Variants in NPAS3 observed in about 807,000 individuals in gnomAD.
NPAS3 encodes the protein neuronal PAS domain protein 3.
In NPAS3, 14 loss-of-function variants were observed where a neutral mutation model predicts 73.1. The ratio of observed to expected loss-of-function variants is 0.19; its 90% confidence interval spans 0.13 to 0.30. The LOEUF is 0.30. NPAS3 is among the 10% of genes least tolerant of loss of function. NPAS3 has a pLI of 1.00. For missense variants in NPAS3, 1,096 were observed against 1,250.0 expected, an observed-to-expected ratio of 0.88 and a Z score of 1.86; for synonymous variants, 620 against 541.5, an observed-to-expected ratio of 1.14 and a Z score of -2.01.
intron 3 of NPAS3, among the ~76,000 whole-genome samples, chr14:33,291,716 C>T (rs2042105970): frequency 6.6e-6 from 1 of 152,206 alleles, no homozygotes; most frequent in African/African-American, 2.4e-5. Flanking sequence ...TAACATGATA[C>T]ATCATAAAAT....
rs185591662 is a variant in NPAS3 at position 33,605,582 on chromosome 14, A to G, written c.558+45372A>G. 7.2e-5 allele frequency among the ~76,000 whole-genome samples: 11 copies of G among 152,296 alleles called. No homozygotes were observed. The East Asian group carries it at 2.1e-3, about 29-fold the overall frequency. ...ATACAAAAATCAAGTATATTTTTAC[A>G]TATGTAGCAATCACAAGTTGAAAAG... On this transcript the variant is annotated intron_variant, in intron 5 of 11. Coordinates refer to ENST00000356141, the Ensembl canonical transcript of NPAS3.
chr14:33,624,441 G>A (rs1210953850), intron 5 of NPAS3, among the ~76,000 whole-genome samples: 2 of 152,000 alleles, frequency 1.3e-5, no homozygotes, highest in African/African-American at 4.8e-5. Context: ...AAAATGTTGT[G>A]TTCATCTATT....
chr14:33,305,987 G>T (rs1363258782), intron 3 of NPAS3, among the ~76,000 whole-genome samples: 2 of 152,110 alleles, frequency 1.3e-5, no homozygotes, highest in African/African-American at 4.8e-5. Context: ...TAGGAAAGTG[G>T]TTGGGTGTTT....
At chr14:33,309,845 A>G (rs2042926217) in intron 3 of NPAS3, among the ~76,000 whole-genome samples, 2 of 152,196 alleles carry the variant, frequency 1.3e-5, no homozygotes, top group Admixed American at 6.5e-5. Context: ...GCGAATGCTC[A>G]GCTAGCTATG....
intron 5 of NPAS3, among the ~76,000 whole-genome samples, chr14:33,659,734 C>G (rs532531603): frequency 2.6e-4 from 38 of 146,010 alleles, no homozygotes; most frequent in African/African-American, 8.0e-4. Flanking sequence ...TCTAAGGAAG[C>G]AAAAAAAAAA....
chr14:33,125,057 AAT>A (rs1442881205), intron 2 of NPAS3, among the ~76,000 whole-genome samples: 1 of 152,052 alleles, frequency 6.6e-6, no homozygotes, highest in Non-Finnish European at 1.5e-5. Flanking sequence ...GAGAAAAAGA[AAT>A]ATGTGTTCTT....
In NPAS3 at chr14:33,614,164, A is replaced by G. The variant is rs188831038; in HGVS notation, c.558+53954A>G. 4.6e-5 allele frequency among the ~76,000 whole-genome samples: 7 copies of G among 152,314 alleles called. No individual in the cohort carries two copies. The East Asian group carries it at 1.4e-3, about 29-fold the overall frequency. On this transcript the variant is annotated intron_variant, in intron 5 of 11. Transcript: ENST00000356141. ...ATTTTACAGTCACTTCATGCATGTT[A>G]CTGGGAGTTTCTTCAACCAGTGGAA...
intron 9 of NPAS3, among the ~76,000 whole-genome samples, chr14:33,784,752 T>TTTA (rs1555333528): frequency 0.16 from 18,268 of 112,186 alleles, 1,713 homozygotes; most frequent in Non-Finnish European, 0.21. Flanking sequence ...TTTATTTTTT[T>TTTA]TTTTTTTTTT....
chr14:33,786,519 C>T (rs908796741), intron 9 of NPAS3, among the ~76,000 whole-genome samples: 6 of 152,176 alleles, frequency 3.9e-5, no homozygotes, highest in Non-Finnish European at 7.3e-5. Context: ...TGCCTATGCC[C>T]TAATCAGATT....
At chr14:33,612,306 C>G (rs1376409700) in intron 5 of NPAS3, 1 of 431,772 alleles carries the variant, frequency 2.3e-6, no homozygotes, top group African/African-American at 2.0e-5. Context: ...CATTTGCGCT[C>G]AAAGTGTTTC....
At chr14:33,527,816 C>T (rs17499818) in intron 4 of NPAS3, among the ~76,000 whole-genome samples, 8 of 152,062 alleles carry the variant, frequency 5.3e-5, no homozygotes, top group African/African-American at 1.4e-4. Flanking sequence ...TTTTGAACAA[C>T]GCTGGGTTTT....
intron 2 of NPAS3, among the ~76,000 whole-genome samples, chr14:33,093,805 T>C (rs2042312549): frequency 6.6e-6 from 1 of 152,098 alleles, no homozygotes; most frequent in Non-Finnish European, 1.5e-5. Context: ...AAGGATGAGT[T>C]TTTGTCCTTT....
intron 3 of NPAS3, among the ~76,000 whole-genome samples, chr14:33,363,045 G>C (rs372718260): frequency 6.6e-6 from 1 of 152,028 alleles, no homozygotes; most frequent in Admixed American, 6.5e-5. Flanking sequence ...AGTAGGGCTC[G>C]TGACTTTTCC....
At chr14:32,945,627 G>C (rs958622019) in intron 1 of NPAS3, among the ~76,000 whole-genome samples, 90 of 152,164 alleles carry the variant, frequency 5.9e-4, no homozygotes, top group Admixed American at 5.6e-3. Flanking sequence ...TGCGTTTTCA[G>C]ACTTTCCAAA....
chr14:33,560,433 C>G (rs370221989), intron 5 of NPAS3: 8 of 408,868 alleles, frequency 2.0e-5, no homozygotes, highest in East Asian at 7.7e-5. Context: ...CCCCACCCCC[C>G]AAGGATCATT....
intron 4 of NPAS3, among the ~76,000 whole-genome samples, chr14:33,448,226 G>T (rs56977524): frequency 0.042 from 6,440 of 152,238 alleles, 174 homozygotes; most frequent in South Asian, 0.093. Context: ...AATTTGTGTA[G>T]GTTGTAGTAA....
At chr14:33,744,904 C>T (rs867698029) in intron 7 of NPAS3, among the ~76,000 whole-genome samples, 4 of 152,124 alleles carry the variant, frequency 2.6e-5, no homozygotes, top group Middle Eastern at 3.4e-3. Flanking sequence ...CAGCAATGAA[C>T]TTGTTTGAAG....
intron 3 of NPAS3, among the ~76,000 whole-genome samples, chr14:33,311,274 C>G (rs950808211): frequency 7.2e-5 from 11 of 152,104 alleles, no homozygotes; most frequent in African/African-American, 2.7e-4. Flanking sequence ...ACCATATGAA[C>G]AGTGCAGTGA....
chr14:33,117,456 T>G (rs958665888), intron 2 of NPAS3, among the ~76,000 whole-genome samples: 1 of 152,150 alleles, frequency 6.6e-6, no homozygotes, highest in Admixed American at 6.5e-5. Flanking sequence ...GCTGCTGAAA[T>G]GTTTACATTA....
Sources: gnomAD v4.1 joint callset for allele counts (sites outside exome capture counted in the v4.1 genomes callset) on GRCh38, gnomAD v4.1.1 for gene constraint, MANE v1.5 for transcripts, NCBI Gene and HGNC (gene_info 2026-07-23, HGNC 2026-07-21) for gene names.